Variants in NOS1AP observed in about 807,000 individuals in gnomAD.
NOS1AP encodes nitric oxide synthase 1 adaptor protein, also known as carboxyl-terminal PDZ ligand of neuronal nitric oxide synthase protein.
In NOS1AP, 21 loss-of-function variants were observed where a neutral mutation model predicts 56.2. The observed-to-expected ratio is 0.37, with a 90% CI of 0.26 to 0.54. The LOEUF is 0.54. Among genes scored for constraint, NOS1AP ranks in the 20% least tolerant of loss-of-function variants. NOS1AP has a pLI of 0.84. For synonymous variants in NOS1AP, 270 were observed against 274.6 expected (o/e 0.98, Z 0.17); for missense variants, 522 against 657.8 (o/e 0.79, Z 2.26).
chr1:162,351,650 C>G (rs561301449), intron 6 of NOS1AP, among the ~76,000 whole-genome samples: 98 of 152,274 alleles, frequency 6.4e-4, no homozygotes, highest in African/African-American at 2.3e-3. Flanking sequence ...CTTGCCCTTC[C>G]TCGCCCAACT....
chr1:162,320,069 G>A (rs1571216109), intron 4 of NOS1AP, among the ~76,000 whole-genome samples: 1 of 152,092 alleles, frequency 6.6e-6, no homozygotes, highest in Non-Finnish European at 1.5e-5. Context: ...CACCCTGTCT[G>A]TACCCCCTGA....
At chr1:162,306,779 A>T (rs762870867) in intron 4 of NOS1AP, among the ~76,000 whole-genome samples, 21 of 152,270 alleles carry the variant, frequency 1.4e-4, no homozygotes, top group South Asian at 8.3e-4. Context: ...TCTACTAATT[A>T]TACAAAAATT....
Position 162,287,435 on chromosome 1 carries a change from AGGTAAGT to A in NOS1AP, c.270+2_270+8del. The A allele has an allele frequency of 6.2e-7, 1 of 1,603,678 alleles. No homozygotes were observed. The highest frequency in any genetic ancestry group is 8.5e-7 in the Non-Finnish European group (1 of 1,170,506). ...AAAGTGATTCTGAAGAAGAAGAAAA[AGGTAAGT>A]GGCTCTGAACCAGAATCTGAGGTGA... On this transcript the variant is annotated splice_donor_variant and splice_donor_5th_base_variant and coding_sequence_variant and intron_variant, in exon 3 of 10. Coordinates refer to ENST00000361897, the MANE Select transcript of NOS1AP (RefSeq NM_014697.3). LOFTEE classifies it high-confidence loss of function.
At chr1:162,230,135 G>A (rs1290457487) in intron 2 of NOS1AP, among the ~76,000 whole-genome samples, 1 of 152,200 alleles carries the variant, frequency 6.6e-6, no homozygotes, top group East Asian at 1.9e-4. Context: ...TCCTTGCAGA[G>A]TTAGTGGCTG....
rs1649426819 is a variant in NOS1AP, at chr1:162,145,581, C to G, written c.106-8824C>G. The stretch of plus-strand genomic sequence containing the variant: ...CGAGAACTTTCACCCTGGTCACATT[C>G]ATAATCCCGCTCAGCAGGACGCTCA... On this transcript the variant is annotated intron_variant, in intron 1 of 9. Coordinates refer to ENST00000361897, the MANE Select transcript of NOS1AP (RefSeq NM_014697.3). Among the ~76,000 whole-genome samples, 5 of 152,186 alleles carry G rather than the reference C, an allele frequency of 3.3e-5. No individual in the cohort carries two copies. In the South Asian group the frequency reaches 1.0e-3, roughly 32 times the overall value.
chr1:162,196,549 G>A (rs1651812202), intron 2 of NOS1AP, among the ~76,000 whole-genome samples: 1 of 152,184 alleles, frequency 6.6e-6, no homozygotes, highest in Non-Finnish European at 1.5e-5. Context: ...TGTGCAGTCT[G>A]CTCCAGGCTG....
intron 4 of NOS1AP, among the ~76,000 whole-genome samples, chr1:162,322,314 G>C (rs1413091035): frequency 4.6e-5 from 7 of 152,150 alleles, no homozygotes; most frequent in African/African-American, 1.7e-4. Flanking sequence ...TACAGCATGA[G>C]GTAGGCAGGT....
At chr1:162,364,520 C>T (rs1658005815) in intron 8 of NOS1AP, 3 of 985,382 alleles carry the variant, frequency 3.0e-6, no homozygotes, top group Admixed American at 6.1e-5. Flanking sequence ...AAGTATTGCT[C>T]ACCAAGAACA....
chr1:162,243,304 G>T (rs1305558198), intron 2 of NOS1AP, among the ~76,000 whole-genome samples: 2 of 152,180 alleles, frequency 1.3e-5, no homozygotes, highest in African/African-American at 4.8e-5. Context: ...AGCAGGTGAG[G>T]AAGGCAATGA....
chr1:162,214,194 A>G (rs141683241), intron 2 of NOS1AP, among the ~76,000 whole-genome samples: 65 of 152,308 alleles, frequency 4.3e-4, no homozygotes, highest in Admixed American at 1.8e-3. Flanking sequence ...TATGTCTTTC[A>G]GAGATATCCA....
At chr1:162,329,798 G>A (rs75969035) in intron 4 of NOS1AP, among the ~76,000 whole-genome samples, 3,280 of 152,286 alleles carry the variant, frequency 0.022, 59 homozygotes, top group Middle Eastern at 0.051. Context: ...AAAACTTTCT[G>A]CCTCTTGGTT....
intron 2 of NOS1AP, among the ~76,000 whole-genome samples, chr1:162,169,354 G>C (rs1245308831): frequency 6.6e-6 from 1 of 152,234 alleles, no homozygotes; most frequent in Non-Finnish European, 1.5e-5. Context: ...ATTGAAGTAA[G>C]AGTTTGGCTG....
Position 162,355,421 on chromosome 1 carries a change from G to T in NOS1AP, c.762+68G>T. The stretch of plus-strand genomic sequence containing the variant: ...CCCTCAGGTCATCAGTCACTTCCTA[G>T]CCCCTGCCAGCTCAGCTTCCGAGTG... On this transcript the variant is annotated intron_variant, in intron 7 of 9. Transcript: ENST00000361897. The T allele has an allele frequency of 3.1e-6, 5 of 1,592,672 alleles. No homozygotes were observed. The South Asian group carries it at 5.5e-5, about 18-fold the overall frequency.
chr1:162,258,060 C>G (rs1388817077), intron 2 of NOS1AP, among the ~76,000 whole-genome samples: 1 of 152,054 alleles, frequency 6.6e-6, no homozygotes, highest in Non-Finnish European at 1.5e-5. Flanking sequence ...CTCATTTCCT[C>G]CAAATGTACA....
chr1:162,123,569 T>C (rs1268962667), intron 1 of NOS1AP, among the ~76,000 whole-genome samples: 2 of 152,260 alleles, frequency 1.3e-5, no homozygotes, highest in East Asian at 3.8e-4. Context: ...CTTTTGCATA[T>C]GTAAAAATAT....
At chr1:162,182,630 T>C (rs1371163185) in intron 2 of NOS1AP, among the ~76,000 whole-genome samples, 2 of 152,238 alleles carry the variant, frequency 1.3e-5, no homozygotes, top group African/African-American at 4.8e-5. Context: ...CACTGCTTTA[T>C]CAACTAAGTT....
intron 1 of NOS1AP, among the ~76,000 whole-genome samples, chr1:162,131,216 G>T (rs991919293): frequency 3.3e-5 from 5 of 152,028 alleles, no homozygotes; most frequent in African/African-American, 1.2e-4. Context: ...CTTTAGTCTT[G>T]CGGGCTCTCA....
At chr1:162,306,853 C>T (rs1017569866) in intron 4 of NOS1AP, among the ~76,000 whole-genome samples, 9 of 151,922 alleles carry the variant, frequency 5.9e-5, no homozygotes, top group Admixed American at 5.9e-4. Context: ...AGGAGAATTG[C>T]TTGAACCTGG....
At chr1:162,081,774 A>ATATTTTTTTTTTTTTTTTTTTTTTTTTTT in intron 1 of NOS1AP, among the ~76,000 whole-genome samples, 1 of 44,058 alleles carries the variant, frequency 2.3e-5, no homozygotes, top group African/African-American at 7.7e-5. Context: ...ATATATATAT[A>ATATTTTTTTTTTTTTTTTTTTTTTTTTTT]TTTTTTTTTT....
Sources: gnomAD v4.1 joint callset for allele counts (sites outside exome capture counted in the v4.1 genomes callset) on GRCh38, gnomAD v4.1.1 for gene constraint, MANE v1.5 for transcripts, NCBI Gene and HGNC (gene_info 2026-07-23, HGNC 2026-07-21) for gene names.